The following GAP43 variants were observed in gnomAD, a reference collection of about 807,000 sequenced individuals.
GAP43 encodes neuromodulin.
GAP43 carries 6 observed loss-of-function variants against 18.6 expected under a neutral mutation model. The ratio of observed to expected loss-of-function variants is 0.32; its 90% CI spans 0.18 to 0.64. GAP43 has a LOEUF of 0.64. Ranked by LOEUF, GAP43 falls within the 30% of genes least tolerant of loss-of-function variation. The pLI, the probability that GAP43 is intolerant of heterozygous loss-of-function variation, is 0.78. For missense variants in GAP43, 292 were observed against 295.5 expected, an observed-to-expected ratio of 0.99 and a Z score of 0.09; for synonymous variants, 115 against 111.4, an observed-to-expected ratio of 1.03 and a Z score of -0.20.
chr3:115,649,178 A>G (rs1708494227), intron 1 of GAP43, among the ~76,000 whole-genome samples: 1 of 152,098 alleles, frequency 6.6e-6, no homozygotes, highest in African/African-American at 2.4e-5. Context: ...GGTGTCTAGT[A>G]AAGGCCTGGT....
chr3:115,665,989 AGTGTGTGTGT>A (rs34314907), intron 1 of GAP43, among the ~76,000 whole-genome samples: 15 of 61,738 alleles, frequency 2.4e-4, no homozygotes, highest in Admixed American at 7.1e-4. Flanking sequence ...TGGCTAAATG[AGTGTGTGTGT>A]GTGTGTGTGT....
chr3:115,688,994 C>T (rs906467353), intron 2 of GAP43, among the ~76,000 whole-genome samples: 1 of 152,178 alleles, frequency 6.6e-6, no homozygotes, highest in Non-Finnish European at 1.5e-5. Context: ...ATTCTCCAGC[C>T]CTAATAGCTT....
At chr3:115,689,111 A>C (rs1267289491) in intron 2 of GAP43, among the ~76,000 whole-genome samples, 2 of 152,202 alleles carry the variant, frequency 1.3e-5, no homozygotes, top group East Asian at 3.9e-4. Flanking sequence ...GCCTCTTGGC[A>C]CTCAGGTCTC....
chr3:115,698,236 A>ATAT (rs1169073339), intron 2 of GAP43, among the ~76,000 whole-genome samples: 1 of 26,214 alleles, frequency 3.8e-5, no homozygotes, highest in African/African-American at 1.2e-4. Context: ...TAATATATAT[A>ATAT]AAATATATAT....
At chr3:115,655,818 T>C (rs2107477735) in intron 1 of GAP43, among the ~76,000 whole-genome samples, 1 of 152,364 alleles carries the variant, frequency 6.6e-6, no homozygotes, top group East Asian at 1.9e-4. Context: ...TCTTTTAAGC[T>C]ATGCTTCTAT....
In GAP43 at chr3:115,713,389, G is replaced by A. The variant is rs77989391; in HGVS notation, c.629-7405G>A. Among the ~76,000 whole-genome samples, 179 of 152,240 alleles carry A rather than the reference G, an allele frequency of 1.2e-3. 2 individuals are homozygous for A. The East Asian group carries it at 0.027, about 23-fold the overall frequency. ...GGTCCCAAGAGGTAATGTTTTACTC[G>A]GAAATCCACTCAACCTAATTTCAGT... On this transcript the variant is annotated intron_variant, in intron 2 of 2. Coordinates refer to ENST00000305124, the MANE Select transcript of GAP43 (RefSeq NM_002045.4).
intron 1 of GAP43, among the ~76,000 whole-genome samples, chr3:115,651,869 G>T (rs1708522176): frequency 1.3e-5 from 2 of 151,778 alleles, no homozygotes; most frequent in African/African-American, 4.8e-5. Context: ...TCTATTCTTG[G>T]CCCCTGTTCT....
intron 1 of GAP43, among the ~76,000 whole-genome samples, chr3:115,662,784 A>C (rs1241401387): frequency 6.6e-6 from 1 of 152,176 alleles, no homozygotes; most frequent in Non-Finnish European, 1.5e-5. Context: ...GGGTTGTGGC[A>C]TGTCTCATAG....
chr3:115,705,875 GAA>G (rs1166074638), intron 2 of GAP43, among the ~76,000 whole-genome samples: 2 of 152,110 alleles, frequency 1.3e-5, no homozygotes, highest in Non-Finnish European at 2.9e-5. Flanking sequence ...AGGAATTGTA[GAA>G]AATCCTTCGT....
intron 2 of GAP43, among the ~76,000 whole-genome samples, chr3:115,714,635 C>T (rs1709479196): frequency 6.6e-6 from 1 of 151,290 alleles, no homozygotes; most frequent in Non-Finnish European, 1.5e-5. Context: ...ACTTTTTTCC[C>T]CTAAAAGGAA....
intron 2 of GAP43, among the ~76,000 whole-genome samples, chr3:115,683,147 G>GCGCGCGCGCGCGCA (rs1252333447): frequency 6.3e-5 from 8 of 127,394 alleles, no homozygotes; most frequent in Non-Finnish European, 6.6e-5. Flanking sequence ...GCGCGCGCGC[G>GCGCGCGCGCGCGCA]CACACACACA....
intron 1 of GAP43, among the ~76,000 whole-genome samples, chr3:115,656,508 G>GTA (rs1708585670): frequency 2.0e-5 from 3 of 152,166 alleles, no homozygotes; most frequent in South Asian, 4.1e-4. Context: ...GTGTAAATAT[G>GTA]TATACTGAGG....
At chr3:115,689,791 G>T (rs1193779054) in intron 2 of GAP43, among the ~76,000 whole-genome samples, 1 of 152,096 alleles carries the variant, frequency 6.6e-6, no homozygotes, top group Admixed American at 6.5e-5. Context: ...AGAAAAAAGT[G>T]GGAGGAAAAA....
At chr3:115,679,462 G>A (rs756260775) in intron 2 of GAP43, among the ~76,000 whole-genome samples, 2 of 152,050 alleles carry the variant, frequency 1.3e-5, no homozygotes, top group African/African-American at 2.4e-5. Flanking sequence ...AGTTTGCCAC[G>A]CTGCCTGCCC....
chr3:115,697,890 A>G lies in GAP43; in HGVS notation c.628+21280A>G, dbSNP rs367783731. Among the ~76,000 whole-genome samples, 89 of 149,690 alleles carry G rather than the reference A, an allele frequency of 5.9e-4. 1 individual carries two copies. Among genetic ancestry groups the G allele is most frequent in the African/African-American group, 2.2e-3 (89 of 40,598 alleles). ...TTTGTAGTATGTTAAATTTGCTTAC[A>G]TATTGATTATAACTCAATGTGATTG... On this transcript the variant is annotated intron_variant, in intron 2 of 2. Coordinates refer to ENST00000305124, the MANE Select transcript of GAP43 (RefSeq NM_002045.4).
chr3:115,703,645 C>T (rs1709324032), intron 2 of GAP43, among the ~76,000 whole-genome samples: 1 of 151,898 alleles, frequency 6.6e-6, no homozygotes, highest in Non-Finnish European at 1.5e-5. Context: ...AAATAGGAGG[C>T]AGTTTTAGAT....
At chr3:115,718,358 T>A (rs546736602) in intron 2 of GAP43, among the ~76,000 whole-genome samples, 1 of 152,322 alleles carries the variant, frequency 6.6e-6, no homozygotes, top group East Asian at 1.9e-4. Flanking sequence ...TCCAAAAGAA[T>A]TCCTAATTGT....
chr3:115,708,688 AC>A (rs1254977686), intron 2 of GAP43, among the ~76,000 whole-genome samples: 1 of 152,002 alleles, frequency 6.6e-6, no homozygotes, highest in Non-Finnish European at 1.5e-5. Context: ...GAGGGGCATG[AC>A]CCCTCAGGAA....
chr3:115,645,815 C>G (rs1708452010), intron 1 of GAP43, among the ~76,000 whole-genome samples: 1 of 151,796 alleles, frequency 6.6e-6, no homozygotes, highest in Non-Finnish European at 1.5e-5. Flanking sequence ...TCTTAAGGCT[C>G]TTCATCATTG....
Sources: gnomAD v4.1 joint callset for allele counts (sites outside exome capture counted in the v4.1 genomes callset) on GRCh38, gnomAD v4.1.1 for gene constraint, MANE v1.5 for transcripts, NCBI Gene and HGNC (gene_info 2026-07-23, HGNC 2026-07-21) for gene names.